SNW1: variants seen among roughly 807,000 people sequenced by gnomAD.
The protein encoded by SNW1 is SNW domain containing 1, also known as SNW domain-containing protein 1.
Under a neutral mutation model 75.6 loss-of-function variants are expected in SNW1, and 9 were observed. The ratio of observed to expected loss-of-function variants is 0.12; its 90% confidence interval spans 0.07 to 0.21. The LOEUF (loss-of-function observed/expected upper bound fraction) is 0.21. Among genes scored for constraint, SNW1 ranks in the 10% least tolerant of loss-of-function variants. SNW1 has a pLI of 1.00. For synonymous variants in SNW1, 200 were observed against 219.1 expected (o/e 0.91, Z 0.77); for missense variants, 409 against 670.9 (o/e 0.61, Z 4.31).
chr14:77,722,838 CTTTTTTT>C (rs773466539), intron 11 of SNW1: 39 of 287,276 alleles, frequency 1.4e-4, no homozygotes, highest in Admixed American at 4.6e-4. Flanking sequence ...TGGTACATAT[CTTTTTTT>C]TTTTTTTTTT....
At chr14:77,760,618 T>G (rs760685617) in intron 1 of SNW1, 22 of 702,130 alleles carry the variant, frequency 3.1e-5, no homozygotes, top group South Asian at 3.0e-4. Context: ...GTGGCTCATT[T>G]AAATCTGTGT....
At position 77,761,126 on chromosome 14, in the gene SNW1, ATCT is replaced by A. The variant is rs1238871863; in HGVS notation, c.-2_1del. The stretch of plus-strand genomic sequence containing the variant: ...ATCAACAACCCACCTGGTGAGCGCC[ATCT>A]TCTTCCGCTTCTTCCAGCGCGAGCG... On this transcript the variant is annotated start_lost and start_retained_variant and 5_prime_UTR_variant, in exon 1 of 14. Transcript: ENST00000261531. The A allele has an allele frequency of 6.2e-7, 1 of 1,614,232 alleles. No homozygotes were observed. Among genetic ancestry groups the A allele is most frequent in the Non-Finnish European group, 8.5e-7 (1 of 1,180,034 alleles).
chr14:77,718,556 TAA>T, intron 12 of SNW1, 26 bp from the exon 13 acceptor site: 1 of 1,435,788 alleles, frequency 7.0e-7, no homozygotes, highest in Non-Finnish European at 9.6e-7. Flanking sequence ...TGACATTAAA[TAA>T]AAGTGTAAAC....
At chr14:77,741,585 GT>G (rs2080719559) in intron 3 of SNW1, among the ~76,000 whole-genome samples, 2 of 152,198 alleles carry the variant, frequency 1.3e-5, no homozygotes, top group South Asian at 4.2e-4. Flanking sequence ...CTCTAAGAGT[GT>G]TGATTTTGGA....
Position 77,738,980 on chromosome 14 carries a change from C to T in SNW1, c.412G>A (p.Glu138Lys). Residue 138 changes from glutamate to lysine, a missense_variant, in exon 4 of 14, where the codon GAA (glutamate) becomes AAA (lysine). Glu to Lys is a moderately conservative substitution (Grantham distance 56). Transcript: ENST00000261531. ...DDPDLQRPDE[E>K]AIKEITEKTR... ...TTCCCAGTTACCTCTTTAATAGCTT[C>T]TTCATCGGGCCTTTGCAGGTCTGGA... The T allele has an allele frequency of 1.2e-6, 2 of 1,614,058 alleles. No homozygotes were observed. Among genetic ancestry groups the T allele is most frequent in the Non-Finnish European group, 1.7e-6 (2 of 1,179,902 alleles).
At chr14:77,758,014 C>CTA (rs1286374130) in intron 1 of SNW1, among the ~76,000 whole-genome samples, 2 of 65,784 alleles carry the variant, frequency 3.0e-5, no homozygotes, top group African/African-American at 5.4e-5. Flanking sequence ...TTTTCTCTAT[C>CTA]TATCTATCTA....
chr14:77,747,850 C>G (rs1379638929), intron 3 of SNW1, among the ~76,000 whole-genome samples: 1 of 151,306 alleles, frequency 6.6e-6, no homozygotes, highest in Non-Finnish European at 1.5e-5. Flanking sequence ...CGCCTCTGCC[C>G]GGCCGCCCCG....
intron 3 of SNW1, among the ~76,000 whole-genome samples, chr14:77,748,823 G>A (rs374555159): frequency 5.9e-5 from 9 of 151,954 alleles, no homozygotes; most frequent in African/African-American, 2.2e-4. Context: ...TCCTGACCTC[G>A]TGATCCACCC....
In SNW1 at chr14:77,761,156, C is replaced by A. The variant is rs771599794; in HGVS notation, c.-29G>T. ...CTTCCGCTTCTTCCAGCGCGAGCGA[C>A]AGCACCGCTGGGCGGGTCTTTCCAG... On this transcript the variant is annotated 5_prime_UTR_variant, in exon 1 of 14. Transcript: ENST00000261531. 6.2e-7 allele frequency: 1 copy of A among 1,614,234 alleles called. No homozygotes were observed. The highest frequency in any genetic ancestry group is 1.1e-5 in the South Asian group (1 of 91,090).
At chr14:77,730,229 C>T (rs1345476463) in intron 10 of SNW1, among the ~76,000 whole-genome samples, 2 of 152,162 alleles carry the variant, frequency 1.3e-5, no homozygotes, top group Non-Finnish European at 2.9e-5. Context: ...TCCTCTTTCC[C>T]TGTATTATTT....
At chr14:77,722,697 A>C (rs2080551448) in intron 11 of SNW1, 1 of 361,516 alleles carries the variant, frequency 2.8e-6, no homozygotes, top group South Asian at 2.1e-5. Context: ...AAGACAAAGT[A>C]GTTAAGTACA....
chr14:77,722,949 A>G (rs1481105933), intron 11 of SNW1: 2 of 465,610 alleles, frequency 4.3e-6, no homozygotes, highest in East Asian at 9.1e-5. Context: ...GGTTCACGCC[A>G]TTCTCCTGCC....
chr14:77,729,312 A>C (rs1271331263), intron 10 of SNW1, among the ~76,000 whole-genome samples: 1 of 152,198 alleles, frequency 6.6e-6, no homozygotes, highest in African/African-American at 2.4e-5. Flanking sequence ...GCTTAGGATA[A>C]AAGTTCTGGA....
At chr14:77,723,343 G>T in intron 10 of SNW1, 66 bp from the exon 11 acceptor site, 1 of 1,165,226 alleles carries the variant, frequency 8.6e-7, no homozygotes, top group Non-Finnish European at 1.3e-6. Flanking sequence ...GTGTACACGT[G>T]TGTATATATA....
At chr14:77,739,484 A>G (rs2080699478) in intron 3 of SNW1, among the ~76,000 whole-genome samples, 1 of 152,158 alleles carries the variant, frequency 6.6e-6, no homozygotes, top group South Asian at 2.1e-4. Flanking sequence ...GGGCCTGAAA[A>G]ATTTTATTGA....
chr14:77,718,417 C>T lies in SNW1; in HGVS notation c.1362G>A (p.Leu454=), dbSNP rs757420882. Residue 454 remains leucine, a synonymous_variant, in exon 13 of 14, where the codon CTG becomes CTA. Transcript: ENST00000261531. ...GGTCATCACCATACATGTCCTTGTC[C>T]AGATTTTTACTGGGCCTATAAATAC... is the stretch of plus-strand genomic sequence containing the variant. ...AQSIYRPSKN[L]DKDMYGDDLE... 2 of 1,613,944 alleles carry T rather than the reference C, an allele frequency of 1.2e-6. No individual in the cohort carries two copies. Among genetic ancestry groups the T allele is most frequent in the East Asian group, 2.2e-5 (1 of 44,888 alleles).
intron 3 of SNW1, among the ~76,000 whole-genome samples, chr14:77,742,255 C>T (rs577724697): frequency 8.5e-5 from 13 of 152,132 alleles, no homozygotes; most frequent in African/African-American, 2.6e-4. Context: ...AGGCTGGTCT[C>T]GATCTCCTGA....
chr14:77,745,559 G>A (rs555372905), intron 3 of SNW1, among the ~76,000 whole-genome samples: 2 of 152,062 alleles, frequency 1.3e-5, no homozygotes, highest in Admixed American at 1.3e-4. Context: ...AGACAAAAAC[G>A]AGCTGGGCAT....
intron 2 of SNW1, among the ~76,000 whole-genome samples, chr14:77,753,844 T>C (rs1022769712): frequency 2.6e-5 from 4 of 151,406 alleles, no homozygotes; most frequent in Non-Finnish European, 5.9e-5. Context: ...TCCTGGCTAC[T>C]TGGGAGGCTG....
Sources: gnomAD v4.1 joint callset for allele counts (sites outside exome capture counted in the v4.1 genomes callset) on GRCh38, gnomAD v4.1.1 for gene constraint, MANE v1.5 for transcripts, NCBI Gene and HGNC (gene_info 2026-07-23, HGNC 2026-07-21) for gene names.